RCC1: variants seen among roughly 807,000 people sequenced by gnomAD.
RCC1 encodes regulator of chromosome condensation 1, also known as regulator of chromosome condensation.
In RCC1, 11 loss-of-function variants were observed where a neutral mutation model predicts 44.4. That is an observed-to-expected ratio of 0.25 (90% CI 0.16 to 0.41). RCC1 has a LOEUF of 0.41. Among genes scored for constraint, RCC1 ranks in the 10% least tolerant of loss-of-function variants. The pLI is 1.00. For synonymous variants in RCC1, 213 were observed against 216.5 expected (o/e 0.98, Z 0.14); for missense variants, 386 against 547.1 (o/e 0.71, Z 2.94).
chr1:28,511,933 G>A (rs1204001314), intron 3 of RCC1, among the ~76,000 whole-genome samples: 1 of 151,240 alleles, frequency 6.6e-6, no homozygotes, highest in East Asian at 1.9e-4. Context: ...CAAAGTGTTG[G>A]GATTACAGGC....
chr1:28,508,653 C>G (rs375169850), intron 2 of RCC1, 177 bp from the exon 3 acceptor site: 1 of 518,982 alleles, frequency 1.9e-6, no homozygotes, highest in South Asian at 1.4e-5. Context: ...CAGTCCCTTT[C>G]CACAACGTTG....
chr1:28,525,561 T>G (rs1372329670), intron 4 of RCC1, among the ~76,000 whole-genome samples: 1 of 152,138 alleles, frequency 6.6e-6, no homozygotes, highest in Non-Finnish European at 1.5e-5. Flanking sequence ...TCCCAAAGAA[T>G]GTGCACTTTT....
chr1:28,530,681 C>G, intron 5 of RCC1: 1 of 1,352,690 alleles, frequency 7.4e-7, no homozygotes, highest in Non-Finnish European at 1.0e-6. Context: ...GCCACATCCT[C>G]GGGGGAGGGG....
chr1:28,529,558 C>T (rs1005054457), intron 4 of RCC1, among the ~76,000 whole-genome samples: 6 of 152,092 alleles, frequency 3.9e-5, no homozygotes, highest in Non-Finnish European at 1.5e-5. Context: ...TCTCTGAAAA[C>T]ATCACTTTTG....
chr1:28,510,449 CCT>C (rs1662443115), intron 3 of RCC1: 1 of 152,126 alleles, frequency 6.6e-6, no homozygotes, highest in African/African-American at 2.4e-5. Context: ...GCGGTGAAAC[CCT>C]GTCTGTACTA....
At chr1:28,523,975 C>G (rs1480442593) in intron 4 of RCC1, among the ~76,000 whole-genome samples, 2 of 152,220 alleles carry the variant, frequency 1.3e-5, no homozygotes, top group African/African-American at 4.8e-5. Context: ...GTCACCACGC[C>G]TGGCTAATTT....
Position 28,516,882 on chromosome 1 carries a change from A to G in RCC1, c.-10+15A>G. On this transcript the variant is annotated intron_variant, in intron 4 of 12. Transcript: ENST00000683442. Reference sequence around the variant, plus strand: ...AACTTGGAGAGGTAAGAAACCCTGAAGACAGGGGAGTGCTTTGTGGCAGGC... The same window carrying G: ...AACTTGGAGAGGTAAGAAACCCTGAGGACAGGGGAGTGCTTTGTGGCAGGC... 2.2e-6 allele frequency: 1 copy of G among 456,534 alleles called. No homozygotes were observed. Among genetic ancestry groups the G allele is most frequent in the South Asian group, 1.5e-5 (1 of 64,550 alleles). The allele number at this position is 456,534 out of a possible 1,614,324, so 28.3% of individuals were successfully genotyped here.
intron 3 of RCC1, chr1:28,510,119 T>C (rs41266183): frequency 0.01 from 1,531 of 152,390 alleles, 10 homozygotes; most frequent in Middle Eastern, 0.054. Context: ...AGTTACCTAC[T>C]GGCATAGGGG....
intron 4 of RCC1, 89 bp downstream of exon 4, chr1:28,516,956 A>G: frequency 2.3e-6 from 1 of 431,210 alleles, no homozygotes; most frequent in Non-Finnish European, 4.6e-6. Context: ...CCCAGTCTCT[A>G]CTAAAAATAC....
At chr1:28,511,948 G>A (rs1197119779) in intron 3 of RCC1, among the ~76,000 whole-genome samples, 3 of 149,034 alleles carry the variant, frequency 2.0e-5, no homozygotes, top group South Asian at 2.1e-4. Context: ...ACAGGCGTAA[G>A]CCACTGCGCC....
chr1:28,530,423 G>A (rs974077309), intron 5 of RCC1: 52 of 1,109,390 alleles, frequency 4.7e-5, no homozygotes, highest in Non-Finnish European at 6.7e-5. Flanking sequence ...GGTTTCCTCT[G>A]TCCTGGGACC....
intron 1 of RCC1, chr1:28,507,899 C>G (rs1662143512): frequency 3.3e-6 from 1 of 307,160 alleles, no homozygotes; most frequent in Non-Finnish European, 6.4e-6. Flanking sequence ...AGCCACCACA[C>G]CTGGCTGGAT....
At position 28,531,997 on chromosome 1, in the gene RCC1, G is replaced by A; in HGVS notation, c.261+7G>A. 1 of 1,568,948 alleles carries A rather than the reference G, an allele frequency of 6.4e-7. No homozygotes were observed. Among genetic ancestry groups the A allele is most frequent in the South Asian group, 1.2e-5 (1 of 82,240 alleles). ...TCTAAGCAAAAGTGGCCAGGTAGGTGTTGGGGACTGGCACAGGGTTGGACA... is the reference window on the plus strand; with the variant it reads ...TCTAAGCAAAAGTGGCCAGGTAGGTATTGGGGACTGGCACAGGGTTGGACA... On this transcript the variant is annotated splice_region_variant and intron_variant, in intron 6 of 12. Transcript: ENST00000683442.
chr1:28,531,505 G>A (rs961532015), intron 5 of RCC1, among the ~76,000 whole-genome samples: 5 of 151,856 alleles, frequency 3.3e-5, no homozygotes, highest in East Asian at 1.9e-4. Flanking sequence ...GTGAGCCACC[G>A]CACCCAGCCC....
chr1:28,537,700 C>T, intron 12 of RCC1, 132 bp from the exon 13 acceptor site: 1 of 870,458 alleles, frequency 1.1e-6, no homozygotes, highest in Non-Finnish European at 1.7e-6. Flanking sequence ...CCCTGAACTC[C>T]CAGAGTCTGG....
chr1:28,536,711 C>G lies in RCC1; in HGVS notation c.938-36C>G. 1.2e-6 allele frequency: 2 copies of G among 1,608,442 alleles called. No homozygotes were observed. The highest frequency in any genetic ancestry group is 1.7e-6 in the Non-Finnish European group (2 of 1,176,192). ...CCACCCATTTTGCCTGTAGCACGCC[C>G]TCTGCTATTGCTCATCTCTCTCCCT... On this transcript the variant is annotated intron_variant, in intron 11 of 12. Coordinates refer to ENST00000683442, the MANE Select transcript of RCC1 (RefSeq NM_001381865.2). This position sits in a 1 kb window ranked among gnomAD's most constrained non-coding sequence, Gnocchi z 4.9.
chr1:28,534,637 C>T (rs1231023691), intron 7 of RCC1, among the ~76,000 whole-genome samples: 12 of 152,158 alleles, frequency 7.9e-5, no homozygotes, highest in East Asian at 3.8e-4. Flanking sequence ...TGTGCCACCA[C>T]GCCCAGCTAA....
intron 1 of RCC1, chr1:28,507,380 C>T (rs781275279): frequency 1.9e-6 from 1 of 519,102 alleles, no homozygotes; most frequent in Non-Finnish European, 3.8e-6. Context: ...CGTGGATACA[C>T]CCGGGAGGTC....
chr1:28,519,453 G>C (rs182400664), intron 4 of RCC1, among the ~76,000 whole-genome samples: 2 of 152,154 alleles, frequency 1.3e-5, no homozygotes, highest in Non-Finnish European at 2.9e-5. Flanking sequence ...CAGGAATCCT[G>C]TTCTGTTCAT....
Sources: gnomAD v4.1 joint callset for allele counts (sites outside exome capture counted in the v4.1 genomes callset) on GRCh38, gnomAD v4.1.1 for gene constraint, Gnocchi (gnomAD v3.1) non-coding constraint, MANE v1.5 for transcripts, NCBI Gene and HGNC (gene_info 2026-07-23, HGNC 2026-07-21) for gene names.